The following HFM1 variants were observed in gnomAD, a reference collection of about 807,000 sequenced individuals.
HFM1 encodes helicase for meiosis 1, also known as probable ATP-dependent DNA helicase HFM1.
HFM1 carries 169 observed loss-of-function variants against 192.1 expected under a neutral mutation model. The ratio of observed to expected loss-of-function variants is 0.88; its 90% CI spans 0.78 to 1.00. The LOEUF is 1.00. Among genes scored for constraint, HFM1 ranks in the 50% least tolerant of loss-of-function variants. HFM1 has a pLI of 0.00. For synonymous variants in HFM1, 525 were observed against 537.8 expected (o/e 0.98, Z 0.33); for missense variants, 1,661 against 1,668.0 (o/e 1.00, Z 0.07).
intron 34 of HFM1, among the ~76,000 whole-genome samples, chr1:91,271,204 AAACT>A (rs1472450250): frequency 1.3e-5 from 2 of 152,144 alleles, no homozygotes; most frequent in Non-Finnish European, 2.9e-5. Flanking sequence ...TGGTCTGCCA[AAACT>A]AACAGGGAAG....
At position 91,339,165 on chromosome 1, in the gene HFM1, G is replaced by A. The variant is rs534585451; in HGVS notation, c.2335+4265C>T. On this transcript the variant is annotated intron_variant, in intron 20 of 38. Coordinates refer to ENST00000370425, the MANE Select transcript of HFM1 (RefSeq NM_001017975.6). Reference sequence around the variant, plus strand: ...TAAAGGAACATCAGCCCAGACAGACGAAAAACAATTAGTCTGTCTGGGCTG... The same window carrying A: ...TAAAGGAACATCAGCCCAGACAGACAAAAAACAATTAGTCTGTCTGGGCTG... Among the ~76,000 whole-genome samples, 9 of 151,344 alleles carry A rather than the reference G, an allele frequency of 5.9e-5. No individual in the cohort carries two copies. The South Asian group carries it at 1.1e-3, about 18-fold the overall frequency.
chr1:91,315,715 G>T, intron 28 of HFM1, 100 bp downstream of exon 28: 1 of 780,028 alleles, frequency 1.3e-6, no homozygotes, highest in Non-Finnish European at 2.0e-6. Flanking sequence ...ATGTAATTTA[G>T]TTGATCCCAC....
At chr1:91,261,564 C>A in intron 38 of HFM1, 1 of 342,508 alleles carries the variant, frequency 2.9e-6, no homozygotes, top group Non-Finnish European at 5.3e-6. Context: ...ATGGTAGGAA[C>A]TGTAAAGGTT....
chr1:91,348,960 T>C (rs1196122054), intron 18 of HFM1, among the ~76,000 whole-genome samples: 2 of 151,218 alleles, frequency 1.3e-5, no homozygotes, highest in African/African-American at 2.4e-5. Flanking sequence ...AAAAAAGGAA[T>C]GTGCAGAAGA....
At chr1:91,305,625 T>G (rs1192912563) in intron 30 of HFM1, among the ~76,000 whole-genome samples, 1 of 151,740 alleles carries the variant, frequency 6.6e-6, no homozygotes, top group East Asian at 1.9e-4. Context: ...TGGAGTGGAG[T>G]GGTGTAATCA....
At chr1:91,293,187 G>A (rs962185700) in intron 30 of HFM1, among the ~76,000 whole-genome samples, 5 of 152,050 alleles carry the variant, frequency 3.3e-5, no homozygotes, top group Non-Finnish European at 7.4e-5. Context: ...GGCAACAAAA[G>A]CCAAAATTGA....
intron 32 of HFM1, among the ~76,000 whole-genome samples, chr1:91,275,380 T>C (rs1012112921): frequency 5.9e-5 from 9 of 152,172 alleles, no homozygotes; most frequent in African/African-American, 2.2e-4. Flanking sequence ...TCAATTGTCA[T>C]CTACATGTGA....
At position 91,375,449 on chromosome 1, in the gene HFM1, G is replaced by C; in HGVS notation, c.1597-3C>G. 1 of 1,612,580 alleles carries C rather than the reference G, an allele frequency of 6.2e-7. No homozygotes were observed. Among genetic ancestry groups the C allele is most frequent in the Non-Finnish European group, 8.5e-7 (1 of 1,179,082 alleles). On this transcript the variant is annotated splice_region_variant and splice_polypyrimidine_tract_variant and intron_variant, in intron 12 of 38. Transcript: ENST00000370425. ...ACACCCTTCCTTGTTGCACAAAACT[G>C]AAAATAAATTCATAACGTTTGTATT...
At chr1:91,306,848 T>TG (rs1341053051) in intron 30 of HFM1, among the ~76,000 whole-genome samples, 1 of 152,196 alleles carries the variant, frequency 6.6e-6, no homozygotes, top group African/African-American at 2.4e-5. Context: ...TACTAACAAT[T>TG]GCTTCAATTT....
intron 6 of HFM1, 99 bp downstream of exon 6, chr1:91,385,088 T>G: frequency 1.2e-6 from 1 of 821,288 alleles, no homozygotes; most frequent in South Asian, 1.7e-5. Context: ...TTCCCTCTTT[T>G]TCTCCATCAA....
chr1:91,396,294 T>C lies in HFM1; in HGVS notation c.183A>G (p.Leu61=), dbSNP rs1571237590. The part of the protein sequence containing the change: ...LEEELESHKL[L]GQEKRPKMLT... ...CAAAACAAATATGTGATAATTTACC[T>C]AACAGTTTATGACTTTCTAATTCTT... is the stretch of plus-strand genomic sequence containing the variant. Residue 61 remains leucine (L), a splice_region_variant and synonymous_variant, in exon 3 of 39, where the codon TTA becomes TTG. Coordinates refer to ENST00000370425, the MANE Select transcript of HFM1 (RefSeq NM_001017975.6). 1.4e-6 allele frequency: 2 copies of C among 1,447,174 alleles called. No individual in the cohort carries two copies. The highest frequency in any genetic ancestry group is 2.3e-5 in the East Asian group (1 of 44,024). 89.6% of individuals were successfully genotyped at this position (1,447,174 alleles called of 1,614,324 possible). A position where few individuals can be genotyped will look rare whatever the true frequency, so the allele number is the denominator to read the frequency against.
At chr1:91,407,133 A>G (rs1215496918), upstream of HFM1, among the ~76,000 whole-genome samples, 9 of 152,142 alleles carry the variant, frequency 5.9e-5, no homozygotes, top group Admixed American at 1.3e-4. Flanking sequence ...TCCATACCCA[A>G]AACTTTTTCA....
In HFM1 at chr1:91,315,812, T is replaced by TA. The variant is rs1651106570; in HGVS notation, c.3140+2dup. The TA allele has an allele frequency of 2.5e-6, 4 of 1,594,390 alleles. No homozygotes were observed. The highest frequency in any genetic ancestry group is 3.4e-6 in the Non-Finnish European group (4 of 1,169,530). On this transcript the variant is annotated splice_region_variant and intron_variant, in intron 28 of 38. Coordinates refer to ENST00000370425, the MANE Select transcript of HFM1 (RefSeq NM_001017975.6). ...GATCAAACATCAGAAATTTCACACT[T>TA]ACGTAATCTTGTGCAGATAAACTAC... is the stretch of plus-strand genomic sequence containing the variant.
Position 91,276,976 on chromosome 1 carries a change from A to C in HFM1, c.3472+6T>G. The C allele has an allele frequency of 1.3e-6, 2 of 1,545,666 alleles. No homozygotes were observed. The highest frequency in any genetic ancestry group is 1.8e-6 in the Non-Finnish European group (2 of 1,136,416). ...ACTTTAAATAAACTTGTTTTAAGGA[A>C]CTCACAGCAGTCATGTCCACATGTA... On this transcript the variant is annotated splice_donor_region_variant and intron_variant, in intron 31 of 38. Coordinates refer to ENST00000370425, the MANE Select transcript of HFM1 (RefSeq NM_001017975.6).
At chr1:91,318,282 C>G (rs1651561010) in intron 25 of HFM1, among the ~76,000 whole-genome samples, 1 of 152,140 alleles carries the variant, frequency 6.6e-6, no homozygotes, top group Admixed American at 6.5e-5. Flanking sequence ...TTTCAAATTT[C>G]CAGATACAAA....
chr1:91,266,551 G>A (rs769454234), intron 35 of HFM1, among the ~76,000 whole-genome samples: 11 of 152,108 alleles, frequency 7.2e-5, no homozygotes, highest in South Asian at 2.1e-4. Context: ...ACTCACTCTC[G>A]TTATTTATGT....
At chr1:91,264,484 T>C (rs1323713448) in intron 36 of HFM1, among the ~76,000 whole-genome samples, 1 of 140,082 alleles carries the variant, frequency 7.1e-6, no homozygotes, top group Non-Finnish European at 1.5e-5. Context: ...GCCATTCTCC[T>C]GCCTCAGCCT....
intron 20 of HFM1, chr1:91,328,577 G>C: frequency 1.2e-6 from 2 of 1,610,072 alleles, no homozygotes; most frequent in Non-Finnish European, 8.5e-7. Context: ...CACCTGATAG[G>C]CATGTTCTAC....
chr1:91,370,484 A>G (rs1051607636), intron 13 of HFM1, among the ~76,000 whole-genome samples: 1 of 152,216 alleles, frequency 6.6e-6, no homozygotes, highest in African/African-American at 2.4e-5. Flanking sequence ...AACCAAAGAC[A>G]AAAACCACAT....
Sources: gnomAD v4.1 joint callset for allele counts (sites outside exome capture counted in the v4.1 genomes callset) on GRCh38, gnomAD v4.1.1 for gene constraint, MANE v1.5 for transcripts, NCBI Gene and HGNC (gene_info 2026-07-23, HGNC 2026-07-21) for gene names.